The following HS3ST4 variants were observed in gnomAD, a reference collection of about 807,000 sequenced individuals.
HS3ST4 encodes heparan sulfate glucosamine 3-O-sulfotransferase 4.
In HS3ST4, 17 loss-of-function variants were observed where a neutral mutation model predicts 29.2. The ratio of observed to expected loss-of-function variants is 0.58; its 90% CI spans 0.40 to 0.87. HS3ST4 has a LOEUF of 0.87. Ranked by LOEUF, HS3ST4 falls within the 40% of genes least tolerant of loss-of-function variation. The probability of loss-of-function intolerance (pLI) is 0.00; values close to 1 mark genes in which losing one functional copy is unlikely to be tolerated. For synonymous variants in HS3ST4, 314 were observed against 285.7 expected, an observed-to-expected ratio of 1.10 and a Z score of -1.00; for missense variants, 627 against 634.5, an observed-to-expected ratio of 0.99 and a Z score of 0.13.
chr16:25,751,290 C>T (rs148068207), intron 1 of HS3ST4, among the ~76,000 whole-genome samples: 13 of 152,164 alleles, frequency 8.5e-5, no homozygotes, highest in South Asian at 4.2e-4. Flanking sequence ...TATGTGTGCT[C>T]ATGTGTGTGT....
chr16:26,089,685 G>T (rs10852294), intron 1 of HS3ST4, among the ~76,000 whole-genome samples: 81,283 of 152,086 alleles, frequency 0.53, 22,536 homozygotes, highest in African/African-American at 0.67. Flanking sequence ...CCTACCATTA[G>T]GAAGCTTTGT....
chr16:25,811,161 C>T (rs4309396), intron 1 of HS3ST4, among the ~76,000 whole-genome samples: 19,275 of 152,064 alleles, frequency 0.13, 1,341 homozygotes, highest in East Asian at 0.35. Context: ...GCTTGAAATG[C>T]GTGGGTTCAC....
intron 1 of HS3ST4, among the ~76,000 whole-genome samples, chr16:26,099,550 A>G (rs934468244): frequency 6.6e-6 from 1 of 152,220 alleles, no homozygotes; most frequent in Non-Finnish European, 1.5e-5. Flanking sequence ...TTGCTCTCAC[A>G]GTCAATACAG....
chr16:25,815,218 C>G (rs982325185), intron 1 of HS3ST4, among the ~76,000 whole-genome samples: 5 of 152,152 alleles, frequency 3.3e-5, no homozygotes, highest in South Asian at 2.1e-4. Context: ...CACTTCTTTG[C>G]TTAATCTCAC....
chr16:25,954,825 T>C (rs9926540), intron 1 of HS3ST4, among the ~76,000 whole-genome samples: 74,429 of 152,056 alleles, frequency 0.49, 18,616 homozygotes, highest in African/African-American at 0.58. Context: ...AAATCTGAAA[T>C]ATTTCTTGTC....
intron 1 of HS3ST4, among the ~76,000 whole-genome samples, chr16:25,734,674 G>A (rs911397671): frequency 4.6e-5 from 7 of 152,170 alleles, no homozygotes; most frequent in African/African-American, 1.7e-4. Context: ...GATTTCCCTA[G>A]GAAGCTGTCA....
At chr16:25,700,251 C>T (rs543486239) in intron 1 of HS3ST4, among the ~76,000 whole-genome samples, 12 of 152,218 alleles carry the variant, frequency 7.9e-5, no homozygotes, top group Admixed American at 4.6e-4. Flanking sequence ...AAAAGAAATG[C>T]GGTAAGGAGG....
At position 25,760,811 on chromosome 16, in the gene HS3ST4, A is replaced by G. The variant is rs1966784546; in HGVS notation, c.734+67660A>G. 2.0e-5 allele frequency among the ~76,000 whole-genome samples: 3 copies of G among 152,178 alleles called. No homozygotes were observed. The South Asian group carries it at 6.2e-4, about 32-fold the overall frequency. ...AGGTACTGGGGGTTAGGACTTCAAC[A>G]TACAATGTTTATTTTGTGGGGAGAT... On this transcript the variant is annotated intron_variant, in intron 1 of 1. Transcript: ENST00000331351.
intron 1 of HS3ST4, among the ~76,000 whole-genome samples, chr16:26,069,022 A>G (rs978161626): frequency 1.3e-5 from 2 of 152,090 alleles, no homozygotes; most frequent in South Asian, 4.1e-4. Flanking sequence ...CTCAGTCACA[A>G]CTCACTGCAG....
Position 25,800,422 on chromosome 16 carries a change from TC to T in HS3ST4, c.734+107276del, listed in dbSNP as rs1363746717. On this transcript the variant is annotated intron_variant, in intron 1 of 1. Coordinates refer to ENST00000331351, the MANE Select transcript of HS3ST4 (RefSeq NM_006040.3). Reference sequence around the variant, plus strand: ...CCCCTCTCTCTTTTTCTCTCTCCCTTCCCCCTACTTTCTCTCCCACCTCTTT... The same window carrying T: ...CCCCTCTCTCTTTTTCTCTCTCCCTTCCCCTACTTTCTCTCCCACCTCTTT... Among the ~76,000 whole-genome samples, 4 of 144,258 alleles carry T rather than the reference TC, an allele frequency of 2.8e-5. No individual in the cohort carries two copies. The Admixed American group carries it at 2.9e-4, about 11-fold the overall frequency. The allele number at this position is 144,258 out of a possible 152,430, so 94.6% of individuals were successfully genotyped here.
intron 1 of HS3ST4, among the ~76,000 whole-genome samples, chr16:26,107,641 A>T (rs1204633497): frequency 6.6e-6 from 1 of 152,180 alleles, no homozygotes; most frequent in Non-Finnish European, 1.5e-5. Flanking sequence ...AGAACATATG[A>T]TATTTGGTTT....
At chr16:25,798,325 C>A (rs976186349) in intron 1 of HS3ST4, among the ~76,000 whole-genome samples, 1 of 152,202 alleles carries the variant, frequency 6.6e-6, no homozygotes, top group Non-Finnish European at 1.5e-5. Flanking sequence ...CTCTGGCTTA[C>A]AACCACAAAA....
intron 1 of HS3ST4, among the ~76,000 whole-genome samples, chr16:25,846,376 A>G (rs1967466008): frequency 6.6e-6 from 1 of 152,166 alleles, no homozygotes; most frequent in South Asian, 2.1e-4. Flanking sequence ...TCTACAAAAA[A>G]TAAAAAATGT....
rs192363791 is a variant in HS3ST4, at chr16:26,028,527, G to A, written c.735-107085G>A. Among the ~76,000 whole-genome samples the A allele has an allele frequency of 2.1e-4, 32 of 152,176 alleles. No homozygotes were observed. The East Asian group carries it at 3.7e-3, about 18-fold the overall frequency. On this transcript the variant is annotated intron_variant, in intron 1 of 1. Coordinates refer to ENST00000331351, the MANE Select transcript of HS3ST4 (RefSeq NM_006040.3). ...TCCTGGTCTGAGGCGATCCTCCTGC[G>A]TCCCAAAGTGTTGGAGTTACAAGCA...
intron 1 of HS3ST4, among the ~76,000 whole-genome samples, chr16:26,031,425 A>G (rs1969529938): frequency 6.6e-6 from 1 of 152,162 alleles, no homozygotes; most frequent in Admixed American, 6.5e-5. Context: ...ATCCTTGTAT[A>G]ACTTAGCTTG....
intron 1 of HS3ST4, among the ~76,000 whole-genome samples, chr16:26,039,785 A>G (rs1319746485): frequency 6.6e-6 from 1 of 151,750 alleles, no homozygotes; most frequent in Non-Finnish European, 1.5e-5. Context: ...TCTTATGTCC[A>G]TGGGTTCAAT....
chr16:26,009,238 G>A (rs1409902077), intron 1 of HS3ST4, among the ~76,000 whole-genome samples: 1 of 152,172 alleles, frequency 6.6e-6, no homozygotes, highest in Non-Finnish European at 1.5e-5. Context: ...CATTACACCA[G>A]ATTCCTCATC....
chr16:25,996,576 A>G (rs1390421410), intron 1 of HS3ST4, among the ~76,000 whole-genome samples: 1 of 152,098 alleles, frequency 6.6e-6, no homozygotes, highest in African/African-American at 2.4e-5. Flanking sequence ...TATATACACA[A>G]TTGTCTTATA....
At chr16:25,770,238 A>G (rs17704277) in intron 1 of HS3ST4, among the ~76,000 whole-genome samples, 37,294 of 152,136 alleles carry the variant, frequency 0.25, 5,158 homozygotes, top group Non-Finnish European at 0.31. Flanking sequence ...CTCCTCCACT[A>G]TGACTTCCTA....
Sources: allele counts gnomAD v4.1 joint callset (sites outside exome capture counted in the v4.1 genomes callset), GRCh38; gene constraint gnomAD v4.1.1; transcripts MANE v1.5; gene names NCBI Gene and HGNC (gene_info 2026-07-23, HGNC 2026-07-21).